DMD: variants seen among roughly 807,000 people sequenced by gnomAD.
DMD encodes the protein dystrophin.
In DMD, 63 loss-of-function variants were observed where a neutral mutation model predicts 330.1. The ratio of observed to expected loss-of-function variants is 0.19; its 90% CI spans 0.16 to 0.24. The LOEUF (loss-of-function observed/expected upper bound fraction) is 0.24. Among genes scored for constraint, DMD ranks in the 10% least tolerant of loss-of-function variants. The pLI is 1.00. For synonymous variants in DMD, 1,223 were observed against 959.8 expected, an observed-to-expected ratio of 1.27 and a Z score of -5.07; for missense variants, 3,344 against 2,684.1, an observed-to-expected ratio of 1.25 and a Z score of -5.43.
In DMD at chrX:32,438,404, G is replaced by A; in HGVS notation, c.3922-14C>T. Reference sequence around the variant, plus strand: ...ATTTTCAAGTGACTGAAACACATTTGCAATAATTACTATTTCTCCTTTTTT... The same window carrying A: ...ATTTTCAAGTGACTGAAACACATTTACAATAATTACTATTTCTCCTTTTTT... On this transcript the variant is annotated splice_polypyrimidine_tract_variant and intron_variant, in intron 28 of 78. Coordinates refer to ENST00000357033, the MANE Select transcript of DMD (RefSeq NM_004006.3). 1 of 1,208,702 alleles carries A rather than the reference G, an allele frequency of 8.3e-7. No homozygotes were observed. Among genetic ancestry groups the A allele is most frequent in the Non-Finnish European group, 1.1e-6 (1 of 893,210 alleles).
At chrX:32,302,563 G>T (rs370217544) in intron 42 of DMD, among the ~76,000 whole-genome samples, 1 of 111,044 alleles carries the variant, frequency 9.0e-6, no homozygotes, top group Non-Finnish European at 1.9e-5. Flanking sequence ...ATAACTTTAC[G>T]TATATTTTAT....
intron 29 of DMD, among the ~76,000 whole-genome samples, chrX:32,430,242 T>C (rs2098232665): frequency 8.9e-6 from 1 of 112,043 alleles, no homozygotes; most frequent in Non-Finnish European, 1.9e-5. Context: ...AAATTTGTCT[T>C]TGGATTTCTG....
In DMD at chrX:31,678,571, C is replaced by T. The variant is rs184878525; in HGVS notation, c.7872+804G>A. Among the ~76,000 whole-genome samples, 8 of 111,445 alleles carry T rather than the reference C, an allele frequency of 7.2e-5. No homozygotes were observed. The East Asian group carries it at 2.0e-3, about 28-fold the overall frequency. On this transcript the variant is annotated intron_variant, in intron 53 of 78. Transcript: ENST00000357033. ...GAGGAATTATAGACTACTAAGCAGA[C>T]AGATATTTGAGGAAATTTCAGAGGA... is the stretch of plus-strand genomic sequence containing the variant.
intron 62 of DMD, among the ~76,000 whole-genome samples, chrX:31,322,456 C>A (rs2056494007): frequency 9.0e-6 from 1 of 111,560 alleles, no homozygotes; most frequent in African/African-American, 3.3e-5. Context: ...AACTAAAAAG[C>A]AGAATCAAAC....
chrX:31,177,446 C>A (rs776408864), intron 71 of DMD, among the ~76,000 whole-genome samples: 2 of 111,536 alleles, frequency 1.8e-5, no homozygotes, highest in South Asian at 7.6e-4. Flanking sequence ...AATTATTCAA[C>A]CAAACTCAGC....
chrX:31,584,224 T>C (rs1381477631), intron 55 of DMD, among the ~76,000 whole-genome samples: 1 of 108,776 alleles, frequency 9.2e-6, no homozygotes, highest in African/African-American at 3.4e-5. Flanking sequence ...AAGCCCAGCA[T>C]GCATTAGCTA....
intron 16 of DMD, among the ~76,000 whole-genome samples, chrX:32,559,726 T>C (rs922393834): frequency 7.1e-5 from 8 of 112,030 alleles, no homozygotes; most frequent in Non-Finnish European, 1.5e-4. Context: ...TATTTCTATT[T>C]GCATTTTGGG....
At chrX:32,653,970 A>G (rs770742285) in intron 9 of DMD, among the ~76,000 whole-genome samples, 7 of 111,934 alleles carry the variant, frequency 6.3e-5, no homozygotes, top group African/African-American at 2.3e-4. Flanking sequence ...ATTGGTGTAT[A>G]AGAATGCTTG....
intron 2 of DMD, among the ~76,000 whole-genome samples, chrX:32,884,116 G>A (rs2084292725): frequency 9.0e-6 from 1 of 110,663 alleles, no homozygotes; most frequent in African/African-American, 3.3e-5. Flanking sequence ...CCTATACTAA[G>A]ACTAGTCTTG....
At chrX:32,513,787 A>T (rs895559405) in intron 18 of DMD, among the ~76,000 whole-genome samples, 2 of 111,836 alleles carry the variant, frequency 1.8e-5, no homozygotes, top group African/African-American at 3.3e-5. Flanking sequence ...AATAGACACT[A>T]TTTGAATGGG....
Position 32,504,798 on chromosome X carries a change from T to G in DMD, c.2293-2956A>C, listed in dbSNP as rs148831360. Among the ~76,000 whole-genome samples the G allele has an allele frequency of 7.2e-5, 8 of 110,980 alleles. No homozygotes were observed. The East Asian group carries it at 2.3e-3, about 31-fold the overall frequency. On this transcript the variant is annotated intron_variant, in intron 18 of 78. Transcript: ENST00000357033. ...AGGGGAAAAGGTCCAAAATAGTAGC[T>G]ATTGGATACTATGCTCAGCACCAAA...
intron 78 of DMD, among the ~76,000 whole-genome samples, chrX:31,122,805 C>T (rs1230485215): frequency 2.7e-5 from 3 of 111,578 alleles, no homozygotes; most frequent in South Asian, 7.4e-4. Context: ...TCTCCCAGCA[C>T]GGAGAAAAAG....
chrX:33,079,975 G>A (rs765070819), intron 1 of DMD, among the ~76,000 whole-genome samples: 10 of 111,951 alleles, frequency 8.9e-5, no homozygotes, highest in South Asian at 3.7e-4. Context: ...CAAAAAAATC[G>A]TCTTCAAAAG....
intron 9 of DMD, among the ~76,000 whole-genome samples, chrX:32,677,000 A>T (rs2062016580): frequency 9.0e-6 from 1 of 111,727 alleles, no homozygotes; most frequent in Non-Finnish European, 1.9e-5. Context: ...ACATTTAAAA[A>T]TATATGTAAA....
rs186672372 is a variant in DMD at position 31,245,045 on chromosome X, T to A, written c.9286+15910A>T. 3.6e-5 allele frequency among the ~76,000 whole-genome samples: 4 copies of A among 111,985 alleles called. No individual in the cohort carries two copies. The East Asian group carries it at 1.1e-3, about 31-fold the overall frequency. On this transcript the variant is annotated intron_variant, in intron 63 of 78. Transcript: ENST00000357033. Reference sequence around the variant, plus strand: ...TTGTGTTCAGTGTTTCCTTTCTTTGTCATATAAATTCTGAATCCATAGTGA... The same window carrying A: ...TTGTGTTCAGTGTTTCCTTTCTTTGACATATAAATTCTGAATCCATAGTGA...
chrX:32,693,830 A>C (rs993977507), intron 9 of DMD, among the ~76,000 whole-genome samples: 2 of 111,498 alleles, frequency 1.8e-5, no homozygotes, highest in East Asian at 5.6e-4. Context: ...AACACCTCCA[A>C]ATACACACAC....
At chrX:32,076,473 G>A (rs956542231) in intron 44 of DMD, among the ~76,000 whole-genome samples, 15 of 105,689 alleles carry the variant, frequency 1.4e-4, no homozygotes, top group African/African-American at 4.2e-4. Context: ...TCCACCTCCC[G>A]GGTTCACACC....
chrX:32,188,762 A>G (rs1336462050), intron 44 of DMD, among the ~76,000 whole-genome samples: 1 of 110,373 alleles, frequency 9.1e-6, no homozygotes, highest in South Asian at 3.8e-4. Context: ...ATTTCCTTCT[A>G]TATAAACTTT....
intron 42 of DMD, among the ~76,000 whole-genome samples, chrX:32,291,105 A>G (rs935271116): frequency 1.8e-5 from 2 of 112,039 alleles, no homozygotes; most frequent in African/African-American, 6.5e-5. Flanking sequence ...AAGATGGGGC[A>G]TGAAACAGAG....
Sources: allele counts gnomAD v4.1 joint callset (sites outside exome capture counted in the v4.1 genomes callset), GRCh38; gene constraint gnomAD v4.1.1; transcripts MANE v1.5; gene names NCBI Gene and HGNC (gene_info 2026-07-23, HGNC 2026-07-21).